The following CENPV variants were observed in gnomAD, a reference collection of about 807,000 sequenced individuals.
CENPV encodes the protein centromere protein V, also known as nuclear protein p30.
CENPV carries 15 observed loss-of-function variants against 26.4 expected under a neutral mutation model. The ratio of observed to expected loss-of-function variants is 0.57; its 90% CI spans 0.38 to 0.88. The LOEUF is 0.88. Ranked by LOEUF, CENPV falls within the 40% of genes least tolerant of loss-of-function variation. The pLI is 0.00. For missense variants in CENPV, 336 were observed against 376.5 expected (o/e 0.89, Z 0.89); for synonymous variants, 172 against 165.5 (o/e 1.04, Z -0.30).
At chr17:16,346,289 T>C (rs955491148) in intron 3 of CENPV, among the ~76,000 whole-genome samples, 2 of 152,208 alleles carry the variant, frequency 1.3e-5, no homozygotes, top group Non-Finnish European at 2.9e-5. Context: ...ATATAGATAC[T>C]ATAGCACTGT....
chr17:16,352,292 C>A lies in CENPV; in HGVS notation c.410+735G>T, dbSNP rs147459950. 2.0e-4 allele frequency among the ~76,000 whole-genome samples: 30 copies of A among 152,308 alleles called. 1 individual carries two copies. Among genetic ancestry groups the A allele is most frequent in the African/African-American group, 7.0e-4 (29 of 41,564 alleles). On this transcript the variant is annotated intron_variant, in intron 1 of 4. Transcript: ENST00000299736. ...AGCCCTTTAACAGCCCAGTTAAAAG[C>A]TCTTTCCCAAATCGCGGACACTCGA...
intron 1 of CENPV, 69 bp from the exon 2 acceptor site, chr17:16,350,098 G>C: frequency 6.4e-7 from 1 of 1,561,608 alleles, no homozygotes; most frequent in Non-Finnish European, 8.7e-7. Flanking sequence ...TTTTGTTGCT[G>C]AAAGAAAGAC....
rs751134025 is a variant in CENPV at position 16,342,584 on chromosome 17, G to C, written c.*233C>G. The C allele has an allele frequency of 2.5e-5, 13 of 528,486 alleles. No individual in the cohort carries two copies. The highest frequency in any genetic ancestry group is 4.0e-5 in the Non-Finnish European group (12 of 297,220). The allele number at this position is 528,486 out of a possible 1,614,324, so 32.7% of individuals were successfully genotyped here. A position where few individuals can be genotyped will look rare whatever the true frequency, so the allele number is the denominator to read the frequency against. On this transcript the variant is annotated 3_prime_UTR_variant, in exon 5 of 5. Coordinates refer to ENST00000299736, the MANE Select transcript of CENPV (RefSeq NM_181716.3). The stretch of plus-strand genomic sequence containing the variant: ...TTTTTTCCTAAAAGATCACACAAAA[G>C]TTGGGAAGAGAAGGATGTCAATTAG...
chr17:16,348,769 C>T (rs967268457), intron 2 of CENPV, 84 bp from the exon 3 acceptor site: 5 of 1,590,416 alleles, frequency 3.1e-6, no homozygotes, highest in Admixed American at 3.5e-5. Flanking sequence ...GAGAGCCAGC[C>T]GACCCCACAG....
intron 3 of CENPV, among the ~76,000 whole-genome samples, chr17:16,345,062 C>T (rs911949725): frequency 2.0e-5 from 3 of 151,952 alleles, no homozygotes; most frequent in Non-Finnish European, 2.9e-5. Flanking sequence ...TGAGCCACTG[C>T]GCCTGGCCCC....
At chr17:16,345,714 G>A (rs575413209) in intron 3 of CENPV, among the ~76,000 whole-genome samples, 19 of 152,132 alleles carry the variant, frequency 1.2e-4, no homozygotes, top group Admixed American at 6.5e-4. Context: ...TTAGGTCAAC[G>A]GCATACAGAA....
intron 3 of CENPV, among the ~76,000 whole-genome samples, chr17:16,346,057 G>A (rs1324078718): frequency 6.6e-6 from 1 of 152,178 alleles, no homozygotes; most frequent in Admixed American, 6.6e-5. Flanking sequence ...GAACTTCAAT[G>A]AGATGTATTT....
intron 3 of CENPV, 148 bp from the exon 4 acceptor site, chr17:16,344,859 C>G: frequency 2.8e-6 from 1 of 351,372 alleles, no homozygotes; most frequent in Non-Finnish European, 5.1e-6. Context: ...CAACCTCCAC[C>G]TGCATGGGTT....
At chr17:16,352,325 C>T (rs1382547313) in intron 1 of CENPV, among the ~76,000 whole-genome samples, 2 of 152,208 alleles carry the variant, frequency 1.3e-5, no homozygotes, top group Non-Finnish European at 2.9e-5. Flanking sequence ...CGAGATGCTC[C>T]TCGGGCCATC....
At chr17:16,345,208 G>A (rs1000880122) in intron 3 of CENPV, among the ~76,000 whole-genome samples, 1 of 148,318 alleles carries the variant, frequency 6.7e-6, no homozygotes, top group African/African-American at 2.5e-5. Flanking sequence ...CTTGCAGTGA[G>A]CCGAGATCAT....
Position 16,348,600 on chromosome 17 carries a change from G to T in CENPV, c.579+16C>A, listed in dbSNP as rs373451091. 6.2e-7 allele frequency: 1 copy of T among 1,613,770 alleles called. No homozygotes were observed. Among genetic ancestry groups the T allele is most frequent in the African/African-American group, 1.3e-5 (1 of 74,940 alleles). ...AATGGGTTCTGCACTCCTTGACCCT[G>T]CTCTTAAGCACTGACCTTCAGGAGC... On this transcript the variant is annotated intron_variant, in intron 3 of 4. Coordinates refer to ENST00000299736, the MANE Select transcript of CENPV (RefSeq NM_181716.3).
At chr17:16,347,444 C>T (rs1462239464) in intron 3 of CENPV, 1 of 152,146 alleles carries the variant, frequency 6.6e-6, no homozygotes, top group African/African-American at 2.4e-5. Context: ...CCCCGCCCAA[C>T]CCCACATTAC....
intron 1 of CENPV, chr17:16,351,374 C>G (rs2093228416): frequency 6.6e-6 from 1 of 152,180 alleles, no homozygotes; most frequent in Non-Finnish European, 1.5e-5. Flanking sequence ...TTTCACTGTA[C>G]AGTCTCAGGC....
At chr17:16,352,934 C>G (rs2093233987) in intron 1 of CENPV, 93 bp downstream of exon 1, 4 of 1,387,970 alleles carry the variant, frequency 2.9e-6, no homozygotes, top group Non-Finnish European at 3.7e-6. Context: ...AGCTGAAAGG[C>G]GCCCAAGGCC....
At chr17:16,348,832 G>C in intron 2 of CENPV, 147 bp from the exon 3 acceptor site, 2 of 1,441,216 alleles carry the variant, frequency 1.4e-6, no homozygotes, top group Admixed American at 2.4e-5. Flanking sequence ...CAAAGGCCTG[G>C]ATAGCAGTGC....
chr17:16,348,591 C>T (rs1272495010), intron 3 of CENPV, 25 bp downstream of exon 3: 2 of 1,613,764 alleles, frequency 1.2e-6, no homozygotes, highest in Non-Finnish European at 1.7e-6. Flanking sequence ...TTCTGCACTC[C>T]TTGACCCTGC....
chr17:16,342,904 C>A lies in CENPV; in HGVS notation c.732G>T (p.Arg244=). Residue 244 remains arginine, a synonymous_variant, in exon 5 of 5, where the codon CGG becomes CGT. Coordinates refer to ENST00000299736, the MANE Select transcript of CENPV (RefSeq NM_181716.3). ...APHCLDEGTV[R]SMVTEEFNGS... ...CATTGAATTCCTCAGTGACCATACTCCGCACAGTGCCCTCATCCAGGCAGT... is the reference window on the plus strand; with the variant it reads ...CATTGAATTCCTCAGTGACCATACTACGCACAGTGCCCTCATCCAGGCAGT... The A allele has an allele frequency of 6.2e-7, 1 of 1,614,168 alleles. No individual in the cohort carries two copies. The highest frequency in any genetic ancestry group is 1.3e-5 in the African/African-American group (1 of 75,038).
chr17:16,342,641 AAG>A lies in CENPV; in HGVS notation c.*174_*175del, dbSNP rs1182980081. 1.2e-5 allele frequency: 8 copies of A among 640,088 alleles called. No individual in the cohort carries two copies. The highest frequency in any genetic ancestry group is 2.1e-5 in the Non-Finnish European group (8 of 376,386). The allele number at this position is 640,088 out of a possible 1,614,324, so 39.7% of individuals were successfully genotyped here. A position where few individuals can be genotyped will look rare whatever the true frequency, so the allele number is the denominator to read the frequency against. ...TCAAAATCTGGGCAGAGGGAGGACA[AAG>A]AGCTGCCTAAAGAAACTGGTAGCTG... On this transcript the variant is annotated 3_prime_UTR_variant, in exon 5 of 5. Transcript: ENST00000299736.
At chr17:16,343,985 G>A (rs747013971) in intron 4 of CENPV, among the ~76,000 whole-genome samples, 3 of 152,100 alleles carry the variant, frequency 2.0e-5, no homozygotes, top group Non-Finnish European at 4.4e-5. Flanking sequence ...GCCCTGAAGC[G>A]GGGCTTGGAG....
Sources: allele counts gnomAD v4.1 joint callset (sites outside exome capture counted in the v4.1 genomes callset), GRCh38; gene constraint gnomAD v4.1.1; transcripts MANE v1.5; gene names NCBI Gene and HGNC (gene_info 2026-07-23, HGNC 2026-07-21).